The following RBM47 variants were observed in gnomAD, a reference collection of about 807,000 sequenced individuals.
RBM47 encodes the protein RNA binding motif protein 47.
A neutral mutation model predicts 47.1 loss-of-function variants in RBM47; 21 were observed. The ratio of observed to expected loss-of-function variants is 0.45; its 90% CI spans 0.32 to 0.64. The LOEUF (loss-of-function observed/expected upper bound fraction) is 0.64. Ranked by LOEUF, RBM47 falls within the 30% of genes least tolerant of loss-of-function variation. The pLI is 0.05. For synonymous variants in RBM47, 375 were observed against 361.7 expected, an observed-to-expected ratio of 1.04 and a Z score of -0.42; for missense variants, 708 against 870.9, an observed-to-expected ratio of 0.81 and a Z score of 2.35.
chr4:40,612,003 GA>G (rs1736305793), intron 1 of RBM47, among the ~76,000 whole-genome samples: 1 of 152,190 alleles, frequency 6.6e-6, no homozygotes, highest in Non-Finnish European at 1.5e-5. Flanking sequence ...GATTAAGATG[GA>G]AATGGAATAG....
intron 1 of RBM47, among the ~76,000 whole-genome samples, chr4:40,620,417 A>C (rs1246686092): frequency 6.6e-6 from 1 of 151,874 alleles, no homozygotes. Flanking sequence ...AGGCAGGAGA[A>C]TGGCTTGAGC....
intron 1 of RBM47, among the ~76,000 whole-genome samples, chr4:40,551,914 G>A (rs1050460383): frequency 3.9e-5 from 6 of 152,058 alleles, no homozygotes; most frequent in South Asian, 2.1e-4. Context: ...CTCCCAAAGC[G>A]CTGGGAATTA....
chr4:40,493,374 G>T (rs1247563969), intron 2 of RBM47, among the ~76,000 whole-genome samples: 2 of 152,194 alleles, frequency 1.3e-5, no homozygotes, highest in Admixed American at 1.3e-4. Context: ...GCATTCTGGG[G>T]TGGATGTAAG....
chr4:40,549,517 T>A (rs1310722288), intron 1 of RBM47, among the ~76,000 whole-genome samples: 1 of 147,224 alleles, frequency 6.8e-6, no homozygotes, highest in African/African-American at 2.6e-5. Flanking sequence ...GTTTTTTTTG[T>A]TTGTTCGTTT....
At chr4:40,600,892 G>A (rs1366394619) in intron 1 of RBM47, among the ~76,000 whole-genome samples, 1 of 147,168 alleles carries the variant, frequency 6.8e-6, no homozygotes, top group East Asian at 2.0e-4. Context: ...GGCTGAGGGA[G>A]GAGAATCGCT....
At chr4:40,621,879 G>A (rs930399422) in intron 1 of RBM47, among the ~76,000 whole-genome samples, 1 of 152,222 alleles carries the variant, frequency 6.6e-6, no homozygotes, top group Non-Finnish European at 1.5e-5. Context: ...TGCCTTGCAC[G>A]TTACTTAGTC....
At chr4:40,566,588 TGA>T (rs1731127509) in intron 1 of RBM47, among the ~76,000 whole-genome samples, 1 of 151,958 alleles carries the variant, frequency 6.6e-6, no homozygotes, top group Admixed American at 6.6e-5. Context: ...GAGGTTGCAG[TGA>T]GCTGAGATAG....
intron 1 of RBM47, among the ~76,000 whole-genome samples, chr4:40,612,151 T>G (rs1469346391): frequency 6.6e-6 from 1 of 152,222 alleles, no homozygotes; most frequent in African/African-American, 2.4e-5. Flanking sequence ...GGAATCTGAA[T>G]GAATTAGATC....
intron 2 of RBM47, among the ~76,000 whole-genome samples, chr4:40,504,290 C>CTTTT (rs35482960): frequency 7.8e-6 from 1 of 128,256 alleles, no homozygotes; most frequent in Non-Finnish European, 1.6e-5. Context: ...TTGTTTCCTT[C>CTTTT]TTTTTTTTTT....
intron 1 of RBM47, among the ~76,000 whole-genome samples, chr4:40,568,103 ACT>A (rs971500927): frequency 1.3e-5 from 2 of 150,900 alleles, no homozygotes; most frequent in African/African-American, 4.9e-5. Context: ...ACCGAGCGAG[ACT>A]CTGTCTCAAA....
Position 40,425,829 on chromosome 4 carries a change from T to G in RBM47, c.*75A>C. On this transcript the variant is annotated 3_prime_UTR_variant, in exon 7 of 7. Coordinates refer to ENST00000295971, the MANE Select transcript of RBM47 (RefSeq NM_001098634.2). ...TCAGGTTGCATGTGTGAATCCAACA[T>G]GTTCCTTCTTCATAAATAGTCAAGC... 4 of 1,544,444 alleles carry G rather than the reference T, an allele frequency of 2.6e-6. No individual in the cohort carries two copies. Among genetic ancestry groups the G allele is most frequent in the Non-Finnish European group, 1.8e-6 (2 of 1,135,518 alleles).
At chr4:40,487,166 T>C (rs1360131943) in intron 2 of RBM47, among the ~76,000 whole-genome samples, 1 of 152,126 alleles carries the variant, frequency 6.6e-6, no homozygotes, top group Non-Finnish European at 1.5e-5. Context: ...GGAGCCTTCA[T>C]GGGGATTGGC....
intron 1 of RBM47, among the ~76,000 whole-genome samples, chr4:40,565,944 T>C (rs760147692): frequency 9.2e-5 from 14 of 151,992 alleles, no homozygotes; most frequent in Non-Finnish European, 2.1e-4. Context: ...GGCACACGCC[T>C]GAAGTCTCAA....
intron 3 of RBM47, among the ~76,000 whole-genome samples, chr4:40,441,877 C>A (rs1436878352): frequency 6.6e-6 from 1 of 152,200 alleles, no homozygotes; most frequent in African/African-American, 2.4e-5. Context: ...TTTCTTACAT[C>A]AATGAGCCAA....
chr4:40,477,059 T>C (rs1452849579), intron 2 of RBM47, among the ~76,000 whole-genome samples: 1 of 152,026 alleles, frequency 6.6e-6, no homozygotes, highest in Non-Finnish European at 1.5e-5. Context: ...GGTGGGCTCC[T>C]GTAATCCCAA....
intron 1 of RBM47, among the ~76,000 whole-genome samples, chr4:40,572,926 C>A (rs921661372): frequency 6.6e-6 from 1 of 151,270 alleles, no homozygotes; most frequent in Non-Finnish European, 1.5e-5. Context: ...CCGAGGCGGG[C>A]GGATTACTTG....
At position 40,534,518 on chromosome 4, in the gene RBM47, A is replaced by G. The variant is rs139543393; in HGVS notation, c.-155+9904T>C. 3.6e-4 allele frequency among the ~76,000 whole-genome samples: 55 copies of G among 150,746 alleles called. No homozygotes were observed. In the East Asian group the frequency reaches 7.8e-3, roughly 21 times the overall value. ...CAGGGTGTAGATTCCATGATTTTCA[A>G]TGCATCCTTTGGTCATTTTCACTGA... On this transcript the variant is annotated intron_variant, in intron 2 of 6. Coordinates refer to ENST00000295971, the MANE Select transcript of RBM47 (RefSeq NM_001098634.2).
intron 4 of RBM47, among the ~76,000 whole-genome samples, chr4:40,437,086 A>T (rs1158064357): frequency 3.4e-5 from 2 of 58,040 alleles, no homozygotes; most frequent in African/African-American, 2.0e-4. Context: ...AAAAAAAAAA[A>T]AAAAATATAT....
At chr4:40,540,651 A>AAAT (rs199604091) in intron 2 of RBM47, among the ~76,000 whole-genome samples, 119 of 117,130 alleles carry the variant, frequency 1.0e-3, no homozygotes, top group South Asian at 2.8e-3. Context: ...AAAAAAAAAA[A>AAAT]AATAATAATA....
Sources: allele counts gnomAD v4.1 joint callset (sites outside exome capture counted in the v4.1 genomes callset), GRCh38; gene constraint gnomAD v4.1.1; transcripts MANE v1.5; gene names NCBI Gene and HGNC (gene_info 2026-07-23, HGNC 2026-07-21).